Variants in SLC26A7 observed in about 807,000 individuals in gnomAD.
SLC26A7 encodes solute carrier family 26 member 7.
Under a neutral mutation model 82.5 loss-of-function variants are expected in SLC26A7, and 59 were observed. The observed-to-expected ratio is 0.72, with a 90% CI of 0.58 to 0.89. The LOEUF (loss-of-function observed/expected upper bound fraction) is 0.89, where lower values mean the gene tolerates loss of function less well. SLC26A7 is among the 40% of genes least tolerant of loss of function. The pLI is 0.00. For synonymous variants in SLC26A7, 271 were observed against 274.3 expected, an observed-to-expected ratio of 0.99 and a Z score of 0.12; for missense variants, 820 against 793.0, an observed-to-expected ratio of 1.03 and a Z score of -0.41.
At chr8:91,340,299 T>C in intron 7 of SLC26A7, 105 bp from the exon 8 acceptor site, 1 of 1,384,742 alleles carries the variant, frequency 7.2e-7, no homozygotes, top group Non-Finnish European at 9.9e-7. Flanking sequence ...GTATTTCACT[T>C]AGTCTATGTA....
intron 5 of SLC26A7, among the ~76,000 whole-genome samples, chr8:91,319,830 A>G (rs972473816): frequency 6.6e-6 from 1 of 152,236 alleles, no homozygotes; most frequent in Non-Finnish European, 1.5e-5. Context: ...TCATATCTGC[A>G]TACACAAACG....
chr8:91,279,234 T>G (rs983786044), intron 2 of SLC26A7, among the ~76,000 whole-genome samples: 7 of 149,160 alleles, frequency 4.7e-5, no homozygotes, highest in African/African-American at 1.7e-4. Flanking sequence ...TCTTGGCTAT[T>G]GTGAATAGTG....
At chr8:91,366,508 C>A in intron 13 of SLC26A7, 72 bp from the exon 14 acceptor site, 5 of 1,508,976 alleles carry the variant, frequency 3.3e-6, no homozygotes, top group Non-Finnish European at 4.5e-6. Context: ...AATTGAGTGA[C>A]ATTTAGATCT....
chr8:91,336,421 A>G (rs911612007), intron 6 of SLC26A7, among the ~76,000 whole-genome samples: 1 of 152,006 alleles, frequency 6.6e-6, no homozygotes, highest in Non-Finnish European at 1.5e-5. Context: ...TGTGAACTTC[A>G]CACGTGAGAA....
intron 2 of SLC26A7, among the ~76,000 whole-genome samples, chr8:91,279,847 C>T (rs574592426): frequency 5.4e-4 from 82 of 152,268 alleles, no homozygotes; most frequent in Non-Finnish European, 1.1e-3. Context: ...CGTGAGCCAC[C>T]GCGCCCAGCC....
chr8:91,366,297 G>A (rs1468666601), intron 13 of SLC26A7, among the ~76,000 whole-genome samples: 1 of 152,124 alleles, frequency 6.6e-6, no homozygotes, highest in African/African-American at 2.4e-5. Context: ...GAACTCTTTG[G>A]ATAGTCTAGG....
intron 18 of SLC26A7, chr8:91,394,808 T>G (rs1243121655): frequency 5.6e-6 from 5 of 891,324 alleles, no homozygotes; most frequent in Non-Finnish European, 7.7e-6. Context: ...GATATGATAA[T>G]TTAACCCATT....
chr8:91,330,543 A>G (rs568904038), intron 5 of SLC26A7, among the ~76,000 whole-genome samples: 1 of 152,190 alleles, frequency 6.6e-6, no homozygotes, highest in Non-Finnish European at 1.5e-5. Flanking sequence ...GGCTACTATA[A>G]GAATAGCCTG....
chr8:91,235,968 C>T (rs1405678840), intron 2 of SLC26A7, among the ~76,000 whole-genome samples: 2 of 152,102 alleles, frequency 1.3e-5, no homozygotes, highest in African/African-American at 4.8e-5. Flanking sequence ...AAAAGCTGCC[C>T]TATTCATTAC....
At chr8:91,250,413 A>G (rs1810626713) in intron 2 of SLC26A7, among the ~76,000 whole-genome samples, 1 of 152,058 alleles carries the variant, frequency 6.6e-6, no homozygotes, top group Non-Finnish European at 1.5e-5. Context: ...TACTACATCT[A>G]TTTCTCAGTA....
At chr8:91,363,605 C>T in intron 13 of SLC26A7, 67 bp downstream of exon 13, 2 of 922,236 alleles carry the variant, frequency 2.2e-6, no homozygotes, top group Non-Finnish European at 3.3e-6. Context: ...AATTTTAAGA[C>T]ATCACAAAAA....
At chr8:91,224,500 C>T (rs1167499559) in intron 2 of SLC26A7, among the ~76,000 whole-genome samples, 1 of 152,190 alleles carries the variant, frequency 6.6e-6, no homozygotes, top group Non-Finnish European at 1.5e-5. Context: ...ATCTGATTTG[C>T]TCCCATGCCT....
chr8:91,335,018 T>C (rs532865625), intron 6 of SLC26A7, among the ~76,000 whole-genome samples: 1 of 152,284 alleles, frequency 6.6e-6, no homozygotes, highest in East Asian at 1.9e-4. Flanking sequence ...CTTGTGGCAT[T>C]AGAAAATATG....
intron 15 of SLC26A7, among the ~76,000 whole-genome samples, chr8:91,387,928 A>G (rs546237991): frequency 6.6e-6 from 1 of 152,350 alleles, no homozygotes; most frequent in African/African-American, 2.4e-5. Context: ...TAACATAGTT[A>G]TTATTCAGTT....
intron 4 of SLC26A7, among the ~76,000 whole-genome samples, chr8:91,307,746 A>G (rs10046645): frequency 0.75 from 107,907 of 144,190 alleles, 41,004 homozygotes; most frequent in Non-Finnish European, 0.83. Context: ...ACATGTATAC[A>G]TATGTAACTA....
At chr8:91,264,720 C>T (rs1811062754) in intron 2 of SLC26A7, among the ~76,000 whole-genome samples, 1 of 151,990 alleles carries the variant, frequency 6.6e-6, no homozygotes, top group South Asian at 2.1e-4. Context: ...TCATTAAGTA[C>T]AGATGTTCAG....
rs906176178 is a variant in SLC26A7, at chr8:91,218,898, G to T, written c.-141G>T. On this transcript the variant is annotated 5_prime_UTR_variant, in exon 2 of 6. Transcript: ENST00000522862. ...TAATCTTTACTTTTTAGGACTGGAA[G>T]ATAAGCAAGAATCTGAAGCTGGTGC... 2.0e-5 allele frequency: 31 copies of T among 1,545,462 alleles called. No individual in the cohort carries two copies. In the Admixed American group the frequency reaches 5.7e-4, roughly 29 times the overall value.
intron 5 of SLC26A7, among the ~76,000 whole-genome samples, chr8:91,326,920 A>G (rs1812946944): frequency 6.6e-6 from 1 of 152,092 alleles, no homozygotes; most frequent in Non-Finnish European, 1.5e-5. Flanking sequence ...CTGTCTTCAC[A>G]TGGCCTTCCC....
intron 4 of SLC26A7, among the ~76,000 whole-genome samples, chr8:91,308,629 T>C (rs1812391428): frequency 6.6e-6 from 1 of 152,180 alleles, no homozygotes. Context: ...TTATGTCAAG[T>C]GGGGAGTTAA....
Sources: allele counts gnomAD v4.1 joint callset (sites outside exome capture counted in the v4.1 genomes callset), GRCh38; gene constraint gnomAD v4.1.1; transcripts MANE v1.5; gene names NCBI Gene and HGNC (gene_info 2026-07-23, HGNC 2026-07-21).